The following MELK variants were observed in gnomAD, a reference collection of about 807,000 sequenced individuals.
The protein encoded by MELK is pEg3 kinase.
Under a neutral mutation model 85.0 loss-of-function variants are expected in MELK, and 81 were observed. The observed-to-expected ratio is 0.95, with a 90% confidence interval of 0.80 to 1.15. The LOEUF is 1.15. Among genes scored for constraint, MELK ranks in the 50% most tolerant of loss-of-function variants. MELK has a pLI of 0.00. For missense variants in MELK, 754 were observed against 777.5 expected (o/e 0.97, Z 0.36); for synonymous variants, 252 against 265.0 (o/e 0.95, Z 0.48).
intron 13 of MELK, among the ~76,000 whole-genome samples, chr9:36,658,545 C>A (rs987781409): frequency 6.6e-6 from 1 of 151,972 alleles, no homozygotes; most frequent in South Asian, 2.1e-4. Flanking sequence ...TTACACTTTC[C>A]CTTGGTTCTT....
At chr9:36,588,452 T>C (rs1418496271) in intron 3 of MELK, among the ~76,000 whole-genome samples, 1 of 146,992 alleles carries the variant, frequency 6.8e-6, no homozygotes, top group Non-Finnish European at 1.5e-5. Context: ...TGATCTCGGC[T>C]CACCGCAACC....
chr9:36,642,226 G>A (rs1829820197), intron 10 of MELK, among the ~76,000 whole-genome samples: 1 of 151,972 alleles, frequency 6.6e-6, no homozygotes, highest in Non-Finnish European at 1.5e-5. Context: ...CATCGTAAAG[G>A]CTCCTTGAAT....
At chr9:36,643,201 G>C (rs751184928) in intron 11 of MELK, 118 bp downstream of exon 11, 7 of 696,364 alleles carry the variant, frequency 1.0e-5, no homozygotes, top group Non-Finnish European at 1.4e-5. Flanking sequence ...TGGCCAATGT[G>C]GTGAAACCCC....
chr9:36,619,310 C>A (rs1393364607), intron 8 of MELK, among the ~76,000 whole-genome samples: 1 of 152,100 alleles, frequency 6.6e-6, no homozygotes, highest in Non-Finnish European at 1.5e-5. Context: ...TACCTCTCAG[C>A]CAGGTTATTG....
intron 4 of MELK, among the ~76,000 whole-genome samples, chr9:36,590,199 C>T (rs1314970457): frequency 6.6e-6 from 1 of 151,962 alleles, no homozygotes. Flanking sequence ...GGATTACAGA[C>T]GTGAGCCACC....
chr9:36,664,777 A>C (rs1253398792), intron 13 of MELK, among the ~76,000 whole-genome samples: 1 of 152,270 alleles, frequency 6.6e-6, no homozygotes, highest in African/African-American at 2.4e-5. Flanking sequence ...GTAGAAACAC[A>C]TGCTATAGGT....
At position 36,633,189 on chromosome 9, in the gene MELK, A is replaced by C; in HGVS notation, c.823A>C (p.Ser275Arg). 1 of 1,597,024 alleles carries C rather than the reference A, an allele frequency of 6.3e-7. No individual in the cohort carries two copies. Among genetic ancestry groups the C allele is most frequent in the Non-Finnish European group, 8.5e-7 (1 of 1,175,564 alleles). The change falls in exon 10 of 18, where the codon AGC (serine) becomes CGC (arginine). Residue 275 changes from serine (S) to arginine (R), a missense_variant. Physicochemically the swap from Ser to Arg is moderately radical, Grantham distance 110 (BLOSUM62 -1). Transcript: ENST00000298048. ...QDYNYPVEWQSKNPFIHLDDD... is the reference protein window; with the variant it reads ...QDYNYPVEWQRKNPFIHLDDD... The stretch of plus-strand genomic sequence containing the variant: ...TTACAACTATCCTGTTGAGTGGCAA[A>C]GCAAGAATCCTGTAAGTAAAATGAA...
intron 4 of MELK, 76 bp from the exon 5 acceptor site, chr9:36,594,552 G>A: frequency 6.6e-7 from 1 of 1,513,806 alleles, no homozygotes; most frequent in Non-Finnish European, 9.0e-7. Context: ...TGAGTTAAGT[G>A]TACTTTTTTA....
intron 10 of MELK, 46 bp downstream of exon 10, chr9:36,633,246 G>T: frequency 7.6e-7 from 1 of 1,320,878 alleles, no homozygotes; most frequent in African/African-American, 1.5e-5. Context: ...ACTTTGTGTG[G>T]TCTTTGGGTG....
intron 14 of MELK, among the ~76,000 whole-genome samples, chr9:36,667,427 A>G (rs1481272802): frequency 6.6e-6 from 1 of 152,218 alleles, no homozygotes; most frequent in East Asian, 1.9e-4. Flanking sequence ...AATTTCTGGG[A>G]TTATAGGCGT....
intron 8 of MELK, among the ~76,000 whole-genome samples, chr9:36,615,148 G>C (rs1826495595): frequency 6.9e-6 from 1 of 145,704 alleles, no homozygotes. Context: ...GGGGCGGCCG[G>C]GCAGAGGCGC....
intron 10 of MELK, among the ~76,000 whole-genome samples, chr9:36,638,316 G>A (rs1312648151): frequency 2.0e-5 from 3 of 151,768 alleles, no homozygotes; most frequent in South Asian, 2.1e-4. Flanking sequence ...ATGGAGTTTC[G>A]TTCTTGTTGC....
chr9:36,654,250 G>C (rs10758383), intron 12 of MELK, among the ~76,000 whole-genome samples: 117,641 of 151,826 alleles, frequency 0.77, 47,987 homozygotes, highest in Non-Finnish European at 0.9. Context: ...TATTAGATAC[G>C]TATACCTCTA....
At chr9:36,589,508 G>C (rs763746795) in intron 3 of MELK, 28 bp from the exon 4 acceptor site, 2 of 1,540,680 alleles carry the variant, frequency 1.3e-6, no homozygotes, top group Non-Finnish European at 1.8e-6. Flanking sequence ...TAAGTTTATT[G>C]CTCATTCCAT....
chr9:36,676,791 G>T (rs988569576), intron 17 of MELK, among the ~76,000 whole-genome samples: 1 of 152,170 alleles, frequency 6.6e-6, no homozygotes, highest in African/African-American at 2.4e-5. Flanking sequence ...GCTTTCCTTT[G>T]TTGTGAATGT....
chr9:36,672,650 G>T (rs1041761573), intron 16 of MELK, among the ~76,000 whole-genome samples: 1 of 152,154 alleles, frequency 6.6e-6, no homozygotes, highest in African/African-American at 2.4e-5. Flanking sequence ...TTTTATTCCT[G>T]ATCTCCTCAG....
chr9:36,598,154 C>G (rs947412831), intron 6 of MELK, among the ~76,000 whole-genome samples: 1 of 149,402 alleles, frequency 6.7e-6, no homozygotes, highest in Non-Finnish European at 1.5e-5. Flanking sequence ...TAAGTGGAAC[C>G]TTTTTTCTGG....
chr9:36,665,409 A>T lies in MELK; in HGVS notation c.1236A>T (p.Leu412Phe), dbSNP rs1832244846. Residue 412 changes from leucine (L) to phenylalanine (F), a missense_variant, in exon 14 of 18, where the codon TTA becomes TTT. By Grantham distance (22) the Leu-to-Phe change is conservative (BLOSUM62 0). Coordinates refer to ENST00000298048, the MANE Select transcript of MELK (RefSeq NM_014791.4). ...GVESKSLTPA[L>F]CRTPANKLKN... ...AATCTAAATCATTAACTCCAGCCTTATGCAGAACACCTGCAAATAAATTAA... is the reference window on the plus strand; with the variant it reads ...AATCTAAATCATTAACTCCAGCCTTTTGCAGAACACCTGCAAATAAATTAA... 1.7e-5 allele frequency: 27 copies of T among 1,613,758 alleles called. No individual in the cohort carries two copies. The highest frequency in any genetic ancestry group is 2.2e-5 in the Non-Finnish European group (26 of 1,179,780).
intron 11 of MELK, among the ~76,000 whole-genome samples, chr9:36,650,823 A>C (rs552582350): frequency 3.9e-5 from 6 of 152,364 alleles, no homozygotes; most frequent in African/African-American, 1.4e-4. Flanking sequence ...TCCAGAGTGG[A>C]GCAGAGGATG....
Sources: gnomAD v4.1 joint callset for allele counts (sites outside exome capture counted in the v4.1 genomes callset) on GRCh38, gnomAD v4.1.1 for gene constraint, MANE v1.5 for transcripts, NCBI Gene and HGNC (gene_info 2026-07-23, HGNC 2026-07-21) for gene names.